Variants in GAB2 observed in about 807,000 individuals in gnomAD.
GAB2 encodes GRB2 associated binding protein 2, also known as GRB2-associated-binding protein 2.
A neutral mutation model predicts 65.5 loss-of-function variants in GAB2; 26 were observed. The ratio of observed to expected loss-of-function variants is 0.40; its 90% confidence interval spans 0.29 to 0.55. GAB2 has a LOEUF of 0.55. GAB2 is among the 20% of genes least tolerant of loss of function. The pLI is 0.53. For missense variants in GAB2, 884 were observed against 875.8 expected (o/e 1.01, Z -0.12); for synonymous variants, 321 against 329.6 (o/e 0.97, Z 0.28).
chr11:78,352,029 C>A (rs987393899), intron 1 of GAB2, among the ~76,000 whole-genome samples: 1 of 151,920 alleles, frequency 6.6e-6, no homozygotes, highest in Non-Finnish European at 1.5e-5. Context: ...CTGGGCAGCA[C>A]GGTGAAACCC....
intron 8 of GAB2, among the ~76,000 whole-genome samples, chr11:78,221,127 T>C (rs1864403299): frequency 1.3e-5 from 2 of 152,236 alleles, no homozygotes; most frequent in African/African-American, 2.4e-5. Context: ...GGAAGTCTTA[T>C]TCTAATGAGA....
chr11:78,303,728 T>C (rs534349645), intron 1 of GAB2, among the ~76,000 whole-genome samples: 1 of 152,322 alleles, frequency 6.6e-6, no homozygotes, highest in East Asian at 1.9e-4. Context: ...TGACTGGGGT[T>C]TCACTGAATC....
intron 1 of GAB2, among the ~76,000 whole-genome samples, chr11:78,316,730 T>C (rs2134653995): frequency 6.6e-6 from 1 of 152,278 alleles, no homozygotes; most frequent in South Asian, 2.1e-4. Flanking sequence ...GTAAGGCAAT[T>C]CCTCAAAAAA....
chr11:78,258,148 A>C (rs1207019719), intron 2 of GAB2, among the ~76,000 whole-genome samples: 1 of 152,172 alleles, frequency 6.6e-6, no homozygotes. Flanking sequence ...GTACACATCA[A>C]AGTTATCTCT....
At chr11:78,405,953 C>A (rs1012157443) in intron 1 of GAB2, among the ~76,000 whole-genome samples, 1 of 152,186 alleles carries the variant, frequency 6.6e-6, no homozygotes, top group African/African-American at 2.4e-5. Flanking sequence ...AGCCAAACAC[C>A]GCAGAGCAAA....
At chr11:78,364,000 A>G (rs1856467299) in intron 1 of GAB2, 1 of 152,162 alleles carries the variant, frequency 6.6e-6, no homozygotes, top group Non-Finnish European at 1.5e-5. Context: ...TTTAACATAT[A>G]TTTATAAGCA....
At position 78,218,326 on chromosome 11, in the gene GAB2, G is replaced by C. The variant is rs1483881422; in HGVS notation, c.*946C>G. 2 of 152,808 alleles carry C rather than the reference G, an allele frequency of 1.3e-5. No homozygotes were observed. Among genetic ancestry groups the C allele is most frequent in the African/African-American group, 4.8e-5 (2 of 41,422 alleles). 9.5% of individuals were successfully genotyped at this position (152,808 alleles called of 1,614,324 possible). A position where few individuals can be genotyped will look rare whatever the true frequency, so the allele number is the denominator to read the frequency against. ...CCCATATTCCCCACCCCTTTACCATGTGTTCCTGCCCCATGTGCTTGGTCG... is the reference window on the plus strand; with the variant it reads ...CCCATATTCCCCACCCCTTTACCATCTGTTCCTGCCCCATGTGCTTGGTCG... On this transcript the variant is annotated 3_prime_UTR_variant, in exon 10 of 10. Transcript: ENST00000361507.
chr11:78,413,942 G>T (rs1222318931), intron 1 of GAB2, among the ~76,000 whole-genome samples: 1 of 152,034 alleles, frequency 6.6e-6, no homozygotes. Context: ...TACAAAATTA[G>T]CCAGGTGTGG....
intron 3 of GAB2, among the ~76,000 whole-genome samples, chr11:78,243,350 C>T (rs1264385641): frequency 1.3e-5 from 2 of 152,102 alleles, no homozygotes; most frequent in Non-Finnish European, 2.9e-5. Flanking sequence ...CGCCTGTAGT[C>T]CCAGCTACCC....
intron 1 of GAB2, among the ~76,000 whole-genome samples, chr11:78,398,373 G>A (rs1856929173): frequency 6.6e-6 from 1 of 152,198 alleles, no homozygotes. Context: ...AGTAACAAAT[G>A]TTTAACTGGG....
intron 1 of GAB2, among the ~76,000 whole-genome samples, chr11:78,368,121 T>A (rs1478846944): frequency 6.6e-6 from 1 of 152,326 alleles, no homozygotes; most frequent in East Asian, 1.9e-4. Flanking sequence ...CGGCTGTCAG[T>A]GCTTAATTTT....
At chr11:78,357,106 G>T (rs1315419636) in intron 1 of GAB2, among the ~76,000 whole-genome samples, 1 of 152,156 alleles carries the variant, frequency 6.6e-6, no homozygotes, top group African/African-American at 2.4e-5. Flanking sequence ...CAATGTGAAT[G>T]TATTTAATGC....
At chr11:78,366,458 T>C (rs1856498120) in intron 1 of GAB2, among the ~76,000 whole-genome samples, 1 of 151,692 alleles carries the variant, frequency 6.6e-6, no homozygotes, top group South Asian at 2.1e-4. Context: ...CAGTGGTGCA[T>C]GTCTGTAGTC....
intron 1 of GAB2, among the ~76,000 whole-genome samples, chr11:78,355,121 T>C (rs570530636): frequency 6.6e-6 from 1 of 152,358 alleles, no homozygotes; most frequent in South Asian, 2.1e-4. Flanking sequence ...ATTAGTGTAA[T>C]AGAGATCCTC....
In GAB2 at chr11:78,220,491, A is replaced by T. The variant is rs777848097; in HGVS notation, c.1762-47T>A. On this transcript the variant is annotated intron_variant, in intron 8 of 9. Transcript: ENST00000361507. ...TGTGAGTGACTGCAGAAAACAGACT[A>T]ACCCACCACCCAGAAAAACACCTCT... is the stretch of plus-strand genomic sequence containing the variant. 3 of 1,516,348 alleles carry T rather than the reference A, an allele frequency of 2.0e-6. No individual in the cohort carries two copies. The South Asian group carries it at 3.9e-5, about 19-fold the overall frequency. 93.9% of individuals were successfully genotyped at this position (1,516,348 alleles called of 1,614,324 possible). A position where few individuals can be genotyped will look rare whatever the true frequency, so the allele number is the denominator to read the frequency against.
intron 3 of GAB2, among the ~76,000 whole-genome samples, chr11:78,235,509 G>A (rs1381564083): frequency 6.6e-6 from 1 of 152,140 alleles, no homozygotes; most frequent in Non-Finnish European, 1.5e-5. Context: ...TTTATGCTCT[G>A]CTTTCCCTTA....
intron 1 of GAB2, among the ~76,000 whole-genome samples, chr11:78,370,735 G>GTGTGTGTGTGTA (rs1856561758): frequency 6.6e-6 from 1 of 151,964 alleles, no homozygotes; most frequent in Admixed American, 6.5e-5. Context: ...ATGTGTGTGT[G>GTGTGTGTGTGTA]TGTGTGTGTG....
intron 3 of GAB2, among the ~76,000 whole-genome samples, chr11:78,241,969 C>T (rs2512519): frequency 0.19 from 28,894 of 152,168 alleles, 2,990 homozygotes; most frequent in East Asian, 0.4. Flanking sequence ...CCTAACAACA[C>T]TTCATCCAAC....
chr11:78,281,206 A>C (rs1015794260), intron 1 of GAB2, among the ~76,000 whole-genome samples: 1 of 151,100 alleles, frequency 6.6e-6, no homozygotes, highest in Non-Finnish European at 1.5e-5. Flanking sequence ...CTCCTAAAGC[A>C]CTGGGATTAT....
Sources: allele counts gnomAD v4.1 joint callset (sites outside exome capture counted in the v4.1 genomes callset), GRCh38; gene constraint gnomAD v4.1.1; transcripts MANE v1.5; gene names NCBI Gene and HGNC (gene_info 2026-07-23, HGNC 2026-07-21).